Variants in XKR4 observed in about 807,000 individuals in gnomAD.
XKR4 encodes the protein XK-related protein 4.
A neutral mutation model predicts 53.9 loss-of-function variants in XKR4; 12 were observed. The observed-to-expected ratio is 0.22, with a 90% CI of 0.14 to 0.36. The LOEUF (loss-of-function observed/expected upper bound fraction) is 0.36, where lower values mean the gene tolerates loss of function less well. Ranked by LOEUF, XKR4 falls within the 10% of genes least tolerant of loss-of-function variation. The pLI, the probability that XKR4 is intolerant of heterozygous loss-of-function variation, is 1.00. For missense variants in XKR4, 799 were observed against 859.5 expected, an observed-to-expected ratio of 0.93 and a Z score of 0.88; for synonymous variants, 354 against 362.4, an observed-to-expected ratio of 0.98 and a Z score of 0.26.
At chr8:55,481,718 AT>A (rs1806110236) in intron 2 of XKR4, among the ~76,000 whole-genome samples, 1 of 152,170 alleles carries the variant, frequency 6.6e-6, no homozygotes, top group African/African-American at 2.4e-5. Flanking sequence ...AAACAACCCC[AT>A]CAAAAAGTGG....
chr8:55,331,818 T>G lies in XKR4; in HGVS notation c.807-25860T>G, dbSNP rs111334719. Among the ~76,000 whole-genome samples the G allele has an allele frequency of 1.5e-3, 230 of 152,278 alleles. 1 individual carries two copies. The highest frequency in any genetic ancestry group is 5.4e-3 in the African/African-American group (224 of 41,582). ...TGAAATATCTTCTATTCTTTCACTT[T>G]CAATCTATTCTTAGATATAAGATAT... On this transcript the variant is annotated intron_variant, in intron 1 of 2. Transcript: ENST00000327381.
At chr8:55,110,524 G>A (rs1816216199) in intron 1 of XKR4, among the ~76,000 whole-genome samples, 1 of 152,186 alleles carries the variant, frequency 6.6e-6, no homozygotes, top group South Asian at 2.1e-4. Context: ...GATTCTAATG[G>A]TGTGGTGAAT....
intron 2 of XKR4, among the ~76,000 whole-genome samples, chr8:55,467,615 G>A (rs186135794): frequency 3.9e-5 from 6 of 152,168 alleles, no homozygotes; most frequent in East Asian, 3.9e-4. Flanking sequence ...ATACTCCACC[G>A]GTAAAGTGCT....
At chr8:55,430,973 C>T (rs572869630) in intron 2 of XKR4, among the ~76,000 whole-genome samples, 1 of 152,352 alleles carries the variant, frequency 6.6e-6, no homozygotes, top group East Asian at 1.9e-4. Flanking sequence ...CAGTTCAATT[C>T]AGCCCCTAGC....
intron 2 of XKR4, among the ~76,000 whole-genome samples, chr8:55,515,336 G>A (rs1806696351): frequency 6.6e-6 from 1 of 152,170 alleles, no homozygotes. Flanking sequence ...TAGACCCGGT[G>A]GAGCTTGTAT....
intron 2 of XKR4, among the ~76,000 whole-genome samples, chr8:55,358,309 T>C (rs866748885): frequency 6.6e-6 from 1 of 152,076 alleles, no homozygotes; most frequent in African/African-American, 2.4e-5. Context: ...CTATTTCCTT[T>C]TGATGTTGAG....
chr8:55,149,403 G>T (rs1218937044), intron 1 of XKR4, among the ~76,000 whole-genome samples: 1 of 152,196 alleles, frequency 6.6e-6, no homozygotes, highest in Admixed American at 6.5e-5. Context: ...GGTGGGGACA[G>T]GAGCAGGAGA....
At chr8:55,141,689 G>GTC (rs1357893247) in intron 1 of XKR4, among the ~76,000 whole-genome samples, 13 of 114,286 alleles carry the variant, frequency 1.1e-4, no homozygotes, top group Admixed American at 2.6e-4. Flanking sequence ...GTGTGTGTGT[G>GTC]TCTCTCTCTG....
At chr8:55,411,088 T>A (rs1461259795) in intron 2 of XKR4, among the ~76,000 whole-genome samples, 1 of 152,210 alleles carries the variant, frequency 6.6e-6, no homozygotes, top group African/African-American at 2.4e-5. Flanking sequence ...AGTAATTATT[T>A]CACGTGGTCT....
chr8:55,193,319 T>G (rs963537644), intron 1 of XKR4, among the ~76,000 whole-genome samples: 2 of 152,116 alleles, frequency 1.3e-5, no homozygotes, highest in Non-Finnish European at 2.9e-5. Flanking sequence ...GTTCCCTTGT[T>G]TTTCGCTTGC....
intron 1 of XKR4, among the ~76,000 whole-genome samples, chr8:55,331,106 C>A (rs1206702787): frequency 6.6e-6 from 1 of 152,180 alleles, no homozygotes; most frequent in Non-Finnish European, 1.5e-5. Context: ...AAACTGTACG[C>A]ATGAAACCAT....
intron 1 of XKR4, among the ~76,000 whole-genome samples, chr8:55,171,247 C>A (rs1817151766): frequency 1.3e-5 from 2 of 152,144 alleles, no homozygotes; most frequent in South Asian, 4.2e-4. Flanking sequence ...TTAATGCTGA[C>A]ATTGTATTTA....
rs1673160755 is a variant in XKR4 at position 55,536,288 on chromosome 8, G to T, written c.*12061G>T. 1 of 152,200 alleles carries T rather than the reference G, an allele frequency of 6.6e-6. No individual in the cohort carries two copies. Among genetic ancestry groups the T allele is most frequent in the African/African-American group, 2.4e-5 (1 of 41,456 alleles). The allele number at this position is 152,200 out of a possible 1,614,324, so 9.4% of individuals were successfully genotyped here. On this transcript the variant is annotated 3_prime_UTR_variant, in exon 3 of 3. Coordinates refer to ENST00000327381, the MANE Select transcript of XKR4 (RefSeq NM_052898.2). Reference sequence around the variant, plus strand: ...TTTTTCAACATAGACAAAACCACTGGACCATTGATAGCCCTCAAGCTCTGA... The same window carrying T: ...TTTTTCAACATAGACAAAACCACTGTACCATTGATAGCCCTCAAGCTCTGA...
chr8:55,396,562 T>A (rs1804521775), intron 2 of XKR4, among the ~76,000 whole-genome samples: 1 of 152,084 alleles, frequency 6.6e-6, no homozygotes, highest in Non-Finnish European at 1.5e-5. Flanking sequence ...AGAAAGGACC[T>A]GAAGAAAAGT....
At chr8:55,293,217 T>G (rs1563317387) in intron 1 of XKR4, among the ~76,000 whole-genome samples, 1 of 151,962 alleles carries the variant, frequency 6.6e-6, no homozygotes, top group Non-Finnish European at 1.5e-5. Context: ...TGCCTGTAAT[T>G]CCAGCTACTT....
intron 2 of XKR4, among the ~76,000 whole-genome samples, chr8:55,481,569 T>C (rs1222207059): frequency 6.6e-6 from 1 of 152,050 alleles, no homozygotes; most frequent in Non-Finnish European, 1.5e-5. Context: ...CTAAAGAGCT[T>C]CTGCACAGCA....
At chr8:55,351,677 A>G (rs1458059310) in intron 1 of XKR4, among the ~76,000 whole-genome samples, 1 of 152,236 alleles carries the variant, frequency 6.6e-6, no homozygotes, top group African/African-American at 2.4e-5. Context: ...TCTTCACAAG[A>G]TAGCCAACTC....
rs1405713647 is a variant in XKR4 at position 55,524,458 on chromosome 8, A to G, written c.*231A>G. The G allele has an allele frequency of 3.6e-6, 2 of 554,434 alleles. No homozygotes were observed. The highest frequency in any genetic ancestry group is 3.8e-5 in the African/African-American group (2 of 53,092). The allele number at this position is 554,434 out of a possible 1,614,324, so 34.3% of individuals were successfully genotyped here. On this transcript the variant is annotated 3_prime_UTR_variant, in exon 3 of 3. Transcript: ENST00000327381. Reference sequence around the variant, plus strand: ...GAAAGAATGACGCTGGCTTAATAGGACTCTCCATTGCTACCAAACTCCTCC... The same window carrying G: ...GAAAGAATGACGCTGGCTTAATAGGGCTCTCCATTGCTACCAAACTCCTCC...
Position 55,541,113 on chromosome 8 carries a change from C to T in XKR4, c.*16886C>T, listed in dbSNP as rs1185223450. The T allele has an allele frequency of 1.3e-5, 2 of 152,190 alleles. No homozygotes were observed. The highest frequency in any genetic ancestry group is 2.9e-5 in the Non-Finnish European group (2 of 68,032). The allele number at this position is 152,190 out of a possible 1,614,324, so 9.4% of individuals were successfully genotyped here. A position where few individuals can be genotyped will look rare whatever the true frequency, so the allele number is the denominator to read the frequency against. ...AGTAAATAAGTTTCACATCTAACTA[C>T]CTCAGCTACTGTTGTTTTATTTAGA... On this transcript the variant is annotated 3_prime_UTR_variant, in exon 3 of 3. Coordinates refer to ENST00000327381, the MANE Select transcript of XKR4 (RefSeq NM_052898.2).
Sources: allele counts gnomAD v4.1 joint callset (sites outside exome capture counted in the v4.1 genomes callset), GRCh38; gene constraint gnomAD v4.1.1; transcripts MANE v1.5; gene names NCBI Gene and HGNC (gene_info 2026-07-23, HGNC 2026-07-21).